PRDM16: variants seen among roughly 807,000 people sequenced by gnomAD.
The protein encoded by PRDM16 is histone-lysine N-methyltransferase PRDM16.
In PRDM16, 23 loss-of-function variants were observed where a neutral mutation model predicts 110.6. That is an observed-to-expected ratio of 0.21 (90% CI 0.15 to 0.29). The LOEUF (loss-of-function observed/expected upper bound fraction) is 0.29. Among genes scored for constraint, PRDM16 ranks in the 10% least tolerant of loss-of-function variants. The probability of loss-of-function intolerance (pLI) is 1.00; values close to 1 mark genes in which losing one functional copy is unlikely to be tolerated. For synonymous variants in PRDM16, 799 were observed against 781.8 expected, an observed-to-expected ratio of 1.02 and a Z score of -0.37; for missense variants, 1,615 against 1,794.3, an observed-to-expected ratio of 0.90 and a Z score of 1.81.
At chr1:3,278,724 C>G (rs1295740867) in intron 3 of PRDM16, among the ~76,000 whole-genome samples, 1 of 152,178 alleles carries the variant, frequency 6.6e-6, no homozygotes, top group Non-Finnish European at 1.5e-5. Context: ...AGAAAACTGG[C>G]CACCCGAGAA....
intron 3 of PRDM16, among the ~76,000 whole-genome samples, chr1:3,305,901 T>TG (rs1176194702): frequency 2.0e-5 from 3 of 152,244 alleles, no homozygotes; most frequent in Non-Finnish European, 4.4e-5. Flanking sequence ...CTTAACACTT[T>TG]GCCACTAGCC....
chr1:3,086,521 C>T (rs1642156356), intron 1 of PRDM16, among the ~76,000 whole-genome samples: 3 of 152,022 alleles, frequency 2.0e-5, no homozygotes, highest in African/African-American at 7.3e-5. Flanking sequence ...TACTGGCCTC[C>T]TCCCTCCACT....
chr1:3,114,173 A>ACG (rs1363414042), intron 1 of PRDM16, among the ~76,000 whole-genome samples: 1 of 87,894 alleles, frequency 1.1e-5, no homozygotes. Context: ...ACGCACACAC[A>ACG]CGCACACACA....
chr1:3,121,652 C>T (rs898533813), intron 1 of PRDM16, among the ~76,000 whole-genome samples: 2 of 152,196 alleles, frequency 1.3e-5, no homozygotes, highest in Non-Finnish European at 2.9e-5. Flanking sequence ...GAGGCTGTGC[C>T]GAGGAAGGGG....
At chr1:3,259,141 TCCG>T (rs1357711287) in intron 3 of PRDM16, among the ~76,000 whole-genome samples, 43 of 152,250 alleles carry the variant, frequency 2.8e-4, no homozygotes, top group African/African-American at 9.9e-4. Context: ...GAGCAGTACC[TCCG>T]TCCCGGCCCT....
At chr1:3,334,947 C>T (rs1235308064) in intron 3 of PRDM16, among the ~76,000 whole-genome samples, 1 of 152,220 alleles carries the variant, frequency 6.6e-6, no homozygotes, top group Non-Finnish European at 1.5e-5. Flanking sequence ...ACGCGTCCAA[C>T]CCCATAGGAT....
intron 1 of PRDM16, among the ~76,000 whole-genome samples, chr1:3,140,950 C>T (rs1037062740): frequency 2.6e-5 from 4 of 152,156 alleles, no homozygotes; most frequent in Non-Finnish European, 4.4e-5. Flanking sequence ...CTTTTACTCC[C>T]GATACGGATC....
At chr1:3,125,951 G>C (rs969720008) in intron 1 of PRDM16, among the ~76,000 whole-genome samples, 4 of 152,226 alleles carry the variant, frequency 2.6e-5, no homozygotes, top group Non-Finnish European at 5.9e-5. Context: ...CAATTAACAG[G>C]CTGCTTAATT....
At chr1:3,198,750 A>C (rs1638545189) in intron 2 of PRDM16, among the ~76,000 whole-genome samples, 1 of 151,862 alleles carries the variant, frequency 6.6e-6, no homozygotes, top group African/African-American at 2.4e-5. Context: ...GGCTGCGGGA[A>C]CCCCCTTTGT....
At chr1:3,127,517 G>A (rs1047179285) in intron 1 of PRDM16, among the ~76,000 whole-genome samples, 38 of 152,182 alleles carry the variant, frequency 2.5e-4, no homozygotes, top group African/African-American at 7.2e-4. Flanking sequence ...TAGCTTCCCC[G>A]GGCACTTGGG....
Position 3,411,446 on chromosome 1 carries a change from G to A in PRDM16, c.1249G>A (p.Ala417Thr). The change falls in exon 9 of 17, where the codon GCC becomes ACC. Residue 417 changes from alanine to threonine, a missense_variant. By Grantham distance (58) the Ala-to-Thr change is moderately conservative (BLOSUM62 0). Coordinates refer to ENST00000270722, the MANE Select transcript of PRDM16 (RefSeq NM_022114.4). ...SNLCRHKRMH[A>T]DCRTQIKCKD... ...CCTGTGCCGGCACAAGCGGATGCAC[G>A]CCGACTGCCGCACGCAGATCAAGTG... The A allele has an allele frequency of 2.5e-6, 4 of 1,614,154 alleles. No individual in the cohort carries two copies. The highest frequency in any genetic ancestry group is 3.4e-6 in the Non-Finnish European group (4 of 1,180,016).
At chr1:3,404,204 C>A (rs111542897) in intron 6 of PRDM16, among the ~76,000 whole-genome samples, 2,502 of 152,272 alleles carry the variant, frequency 0.016, 65 homozygotes, top group African/African-American at 0.057. Flanking sequence ...GGAATTAGAG[C>A]GACTCCTTCA....
At chr1:3,176,264 G>GTCCATCCATCCATCCATCCA (rs1224462324) in intron 1 of PRDM16, among the ~76,000 whole-genome samples, 3 of 147,770 alleles carry the variant, frequency 2.0e-5, no homozygotes, top group Non-Finnish European at 1.5e-5. Flanking sequence ...TCCACCATCT[G>GTCCATCCATCCATCCATCCA]TCCATCCATC....
At chr1:3,162,641 C>G (rs899777004) in intron 1 of PRDM16, among the ~76,000 whole-genome samples, 1 of 152,232 alleles carries the variant, frequency 6.6e-6, no homozygotes, top group Non-Finnish European at 1.5e-5. Flanking sequence ...GCGGCGAGCC[C>G]GTGCGCCGAT....
At chr1:3,372,318 A>G (rs1044211390) in intron 3 of PRDM16, among the ~76,000 whole-genome samples, 2 of 152,192 alleles carry the variant, frequency 1.3e-5, no homozygotes, top group African/African-American at 4.8e-5. Context: ...CAAGCCAGCT[A>G]TTTTAGGGAA....
At chr1:3,420,494 C>G (rs1366930697) in intron 12 of PRDM16, among the ~76,000 whole-genome samples, 1 of 152,364 alleles carries the variant, frequency 6.6e-6, no homozygotes, top group Non-Finnish European at 1.5e-5. Flanking sequence ...CAGGAGGAAG[C>G]AGGCTTCTCA....
chr1:3,198,358 G>T (rs753569780), intron 2 of PRDM16, among the ~76,000 whole-genome samples: 43 of 152,372 alleles, frequency 2.8e-4, no homozygotes, highest in Admixed American at 1.1e-3. Context: ...TGTTCTGCGT[G>T]GCCTTGGCTG....
At chr1:3,427,937 G>A (rs1436753901) in intron 14 of PRDM16, among the ~76,000 whole-genome samples, 2 of 152,196 alleles carry the variant, frequency 1.3e-5, no homozygotes, top group Non-Finnish European at 1.5e-5. Context: ...GTTCCCTGCA[G>A]CTGCGTGTCA....
At position 3,412,172 on chromosome 1, in the gene PRDM16, C is replaced by A; in HGVS notation, c.1975C>A (p.Pro659Thr). Residue 659 changes from proline (P) to threonine (T), a missense_variant, in exon 9 of 17, where the codon CCG (proline) becomes ACG (threonine). Physicochemically the swap from Pro to Thr is conservative, Grantham distance 38. Around this residue, in one of 5 missense-constraint regions of PRDM16, gnomAD observed 772 missense variants for 748.3 expected, o/e 1.03. Coordinates refer to ENST00000270722, the MANE Select transcript of PRDM16 (RefSeq NM_022114.4). ...GGGCGGCTTGGCGCCCCCGGGGGCC[C>A]CGAACAGCGTGGCCGAGGTGCCTGT... ...FGGGLAPPGA[P>T]NSVAEVPVFY... 1 of 1,583,214 alleles carries A rather than the reference C, an allele frequency of 6.3e-7. No homozygotes were observed. Among genetic ancestry groups the A allele is most frequent in the Non-Finnish European group, 8.6e-7 (1 of 1,161,612 alleles).
Sources: allele counts gnomAD v4.1 joint callset (sites outside exome capture counted in the v4.1 genomes callset), GRCh38; gene constraint gnomAD v4.1.1; regional missense constraint gnomAD v4.1.1; transcripts MANE v1.5; gene names NCBI Gene and HGNC (gene_info 2026-07-23, HGNC 2026-07-21).